TRIM49: variants seen among roughly 807,000 people sequenced by gnomAD.
The protein encoded by TRIM49 is tripartite motif-containing protein 49.
TRIM49 carries 5 observed loss-of-function variants against 27.4 expected under a neutral mutation model. That is an observed-to-expected ratio of 0.18 (90% CI 0.10 to 0.38). The LOEUF (loss-of-function observed/expected upper bound fraction) is 0.38, where lower values mean the gene tolerates loss of function less well. Ranked by LOEUF, TRIM49 falls within the 10% of genes least tolerant of loss-of-function variation. TRIM49 has a pLI of 1.00. For synonymous variants in TRIM49, 69 were observed against 166.0 expected, an observed-to-expected ratio of 0.42 and a Z score of 4.49; for missense variants, 188 against 487.5, an observed-to-expected ratio of 0.39 and a Z score of 5.79.
At chr11:89,805,100 A>C (rs1347734934) in intron 2 of TRIM49, among the ~76,000 whole-genome samples, 2 of 151,906 alleles carry the variant, frequency 1.3e-5, no homozygotes, top group African/African-American at 2.4e-5. Context: ...AAACAAAGAA[A>C]AAGACTGCAA....
the TRIM49 span, chr11:89,777,151 A>G: frequency 1.9e-6 from 3 of 1,550,176 alleles, no homozygotes; most frequent in Admixed American, 2.0e-5. Context: ...GTGCAGAAAA[A>G]CCTCAGAGAA....
intron 6 of TRIM49, among the ~76,000 whole-genome samples, chr11:89,800,292 A>G (rs1049661034): frequency 1.3e-5 from 2 of 151,632 alleles, no homozygotes; most frequent in African/African-American, 4.9e-5. Flanking sequence ...ATTTTTCAGA[A>G]CTGTTAACTG....
chr11:89,770,753 C>A, the TRIM49 span, among the ~76,000 whole-genome samples: 1 of 143,080 alleles, frequency 7.0e-6, no homozygotes, highest in Non-Finnish European at 1.5e-5. Flanking sequence ...GTAGTCCCAG[C>A]TACTTGGGAG....
downstream of TRIM49, among the ~76,000 whole-genome samples, chr11:89,797,061 T>C (rs1194764943): frequency 6.6e-6 from 1 of 152,150 alleles, no homozygotes; most frequent in East Asian, 1.9e-4. Flanking sequence ...TGTCTTTAAA[T>C]TTTGGTATTT....
At chr11:89,797,553 C>T (rs1269287725), downstream of TRIM49, 1 of 151,904 alleles carries the variant, frequency 6.6e-6, no homozygotes, top group Admixed American at 6.6e-5. Context: ...TTGGTCTGAT[C>T]ACATTGTGTA....
chr11:89,779,788 G>A, the TRIM49 span, among the ~76,000 whole-genome samples: 1 of 116,246 alleles, frequency 8.6e-6, no homozygotes, highest in East Asian at 2.7e-4. Flanking sequence ...GTGAATGAAG[G>A]GGATGTATAC....
intron 6 of TRIM49, among the ~76,000 whole-genome samples, chr11:89,800,637 G>T (rs1395735856): frequency 2.0e-5 from 3 of 150,210 alleles, no homozygotes; most frequent in Non-Finnish European, 4.4e-5. Context: ...CGGGTACTCG[G>T]GAGGCTGAGG....
chr11:89,787,488 G>A, the TRIM49 span: 36 of 455,620 alleles, frequency 7.9e-5, 3 homozygotes, highest in Admixed American at 5.4e-4. Context: ...GCGGGCTCCC[G>A]TGAGGAATCC....
the TRIM49 span, among the ~76,000 whole-genome samples, chr11:89,776,771 T>C: frequency 6.6e-6 from 1 of 151,820 alleles, no homozygotes; most frequent in Non-Finnish European, 1.5e-5. Context: ...CTGAACCAAA[T>C]CTTCAATGGC....
At chr11:89,773,753 A>G in the TRIM49 span, among the ~76,000 whole-genome samples, 1 of 132,458 alleles carries the variant, frequency 7.5e-6, no homozygotes, top group African/African-American at 3.5e-5. Flanking sequence ...AGCTTAAGCA[A>G]CATGGTGAAA....
chr11:89,806,111 G>C (rs1017333813), intron 2 of TRIM49, among the ~76,000 whole-genome samples: 11 of 149,000 alleles, frequency 7.4e-5, no homozygotes, highest in African/African-American at 2.8e-4. Context: ...ATAGCCTATT[G>C]TTCCTACAAT....
chr11:89,800,736 C>G lies in TRIM49; in HGVS notation c.761+230G>C, dbSNP rs187482074. ...CCAGCCTGGGCGACAGAGCCAGACA[C>G]CGTCTCAAAAAAAAAACAAAAGCAG... On this transcript the variant is annotated intron_variant, in intron 6 of 7. Coordinates refer to ENST00000329758, the MANE Select transcript of TRIM49 (RefSeq NM_020358.2). Among the ~76,000 whole-genome samples, 78 of 150,238 alleles carry G rather than the reference C, an allele frequency of 5.2e-4. 3 individuals carry two copies. The highest frequency in any genetic ancestry group is 1.3e-3 in the African/African-American group (52 of 40,308).
chr11:89,805,408 T>TG (rs1362772594), intron 2 of TRIM49, among the ~76,000 whole-genome samples: 1 of 150,194 alleles, frequency 6.7e-6, no homozygotes, highest in Non-Finnish European at 1.5e-5. Context: ...GTGAGCTGAG[T>TG]GGGAGCCTCA....
At chr11:89,791,422 A>G in the TRIM49 span, among the ~76,000 whole-genome samples, 18 of 151,568 alleles carry the variant, frequency 1.2e-4, no homozygotes, top group African/African-American at 4.4e-4. Flanking sequence ...AAGAAGAGCA[A>G]CTCCCAAACA....
chr11:89,782,079 A>T, the TRIM49 span: 4 of 1,548,782 alleles, frequency 2.6e-6, no homozygotes, highest in East Asian at 2.5e-5. Flanking sequence ...CTCTCCTCCA[A>T]CTGGATTCTG....
chr11:89,794,744 G>A (rs960169382), downstream of TRIM49, among the ~76,000 whole-genome samples: 2 of 144,556 alleles, frequency 1.4e-5, no homozygotes, highest in Non-Finnish European at 3.0e-5. Flanking sequence ...AATTCAAGAT[G>A]GATCAAAGAC....
downstream of TRIM49, among the ~76,000 whole-genome samples, chr11:89,793,727 C>T (rs1369965584): frequency 5.1e-4 from 77 of 151,892 alleles, no homozygotes; most frequent in African/African-American, 1.4e-3. Context: ...ATTGATGGGA[C>T]GTATCTCAAA....
intron 4 of TRIM49, among the ~76,000 whole-genome samples, chr11:89,802,173 A>G (rs1421110922): frequency 7.2e-6 from 1 of 139,228 alleles, no homozygotes; most frequent in Non-Finnish European, 1.6e-5. Flanking sequence ...AAACAAAAAA[A>G]CACAATTTGA....
At chr11:89,792,783 G>A (rs1949663753), downstream of TRIM49, among the ~76,000 whole-genome samples, 1 of 152,042 alleles carries the variant, frequency 6.6e-6, no homozygotes, top group Non-Finnish European at 1.5e-5. Flanking sequence ...ATGCCCACAA[G>A]AGAAAGCAGG....
Sources: gnomAD v4.1 joint callset for allele counts (sites outside exome capture counted in the v4.1 genomes callset) on GRCh38, gnomAD v4.1.1 for gene constraint, MANE v1.5 for transcripts, NCBI Gene and HGNC (gene_info 2026-07-23, HGNC 2026-07-21) for gene names.